The following ZNF713 variants were observed in gnomAD, a reference collection of about 807,000 sequenced individuals.
The protein encoded by ZNF713 is zinc finger protein 713.
Under a neutral mutation model 28.7 loss-of-function variants are expected in ZNF713, and 21 were observed. The observed-to-expected ratio is 0.73, with a 90% confidence interval of 0.52 to 1.05. The LOEUF is 1.05. ZNF713 is among the 50% of genes least tolerant of loss of function. The pLI is 0.00. For missense variants in ZNF713, 458 were observed against 532.4 expected, an observed-to-expected ratio of 0.86 and a Z score of 1.37; for synonymous variants, 167 against 178.0, an observed-to-expected ratio of 0.94 and a Z score of 0.49.
chr7:55,888,735 GTACATACA>G (rs1785325038), intron 1 of ZNF713, among the ~76,000 whole-genome samples: 2 of 76,446 alleles, frequency 2.6e-5, no homozygotes, highest in Admixed American at 2.6e-4. Flanking sequence ...ATACATATAC[GTACATACA>G]TACATAGATT....
intron 1 of ZNF713, among the ~76,000 whole-genome samples, chr7:55,893,956 G>T (rs1272036013): frequency 6.6e-6 from 1 of 152,196 alleles, no homozygotes; most frequent in Non-Finnish European, 1.5e-5. Context: ...GGAGAATGAG[G>T]GGTGAGAGAA....
chr7:55,910,701 G>A (rs1292341052), intron 2 of ZNF713, among the ~76,000 whole-genome samples: 1 of 152,080 alleles, frequency 6.6e-6, no homozygotes, highest in African/African-American at 2.4e-5. Flanking sequence ...TCATCATGTT[G>A]CCCTAGCTGG....
At chr7:55,900,607 AAACT>A (rs1200399941) in intron 1 of ZNF713, among the ~76,000 whole-genome samples, 1 of 152,234 alleles carries the variant, frequency 6.6e-6, no homozygotes, top group Non-Finnish European at 1.5e-5. Flanking sequence ...AGAAAAACAG[AAACT>A]CTATGATCTC....
rs1785292196 is a variant in ZNF713 at position 55,887,825 on chromosome 7, G to GGGA, written c.-583+147_-583+148insAGG. The GGGA allele has an allele frequency of 3.3e-3, 16 of 4,888 alleles. 3 individuals are homozygous for GGGA. Among genetic ancestry groups the GGGA allele is most frequent in the African/African-American group, 8.7e-3 (16 of 1,848 alleles). The allele number at this position is 4,888 out of a possible 1,614,324, so 0.3% of individuals were successfully genotyped here. A position where few individuals can be genotyped will look rare whatever the true frequency, so the allele number is the denominator to read the frequency against. Reference sequence around the variant, plus strand: ...CGGGGGGCGGCGGGCGGCGGGCGGCGGGCGGCGGGCGGCGGGCGGCGGCGG... The same window carrying GGGA: ...CGGGGGGCGGCGGGCGGCGGGCGGCGGGAGGCGGCGGGCGGCGGGCGGCGGCGG... On this transcript the variant is annotated intron_variant, in intron 1 of 6. Transcript: ENST00000429591.
At chr7:55,928,790 A>T (rs1196144798) in intron 6 of ZNF713, among the ~76,000 whole-genome samples, 1 of 152,196 alleles carries the variant, frequency 6.6e-6, no homozygotes, top group Non-Finnish European at 1.5e-5. Context: ...ATAAATAGAC[A>T]TGCCAAGATG....
intron 1 of ZNF713, among the ~76,000 whole-genome samples, chr7:55,892,853 A>C (rs368030667): frequency 4.7e-5 from 7 of 148,144 alleles, no homozygotes; most frequent in African/African-American, 1.0e-4. Flanking sequence ...TCTGGGCAAC[A>C]AGAGTGAAAT....
rs891996962 is a variant in ZNF713, at chr7:55,942,166, T to G, written c.*2160T>G. 3 of 152,106 alleles carry G rather than the reference T, an allele frequency of 2.0e-5. No individual in the cohort carries two copies. Among genetic ancestry groups the G allele is most frequent in the African/African-American group, 7.2e-5 (3 of 41,410 alleles). 9.4% of individuals were successfully genotyped at this position (152,106 alleles called of 1,614,324 possible). ...CTGCGGGTGAGCCCTGGTGCCATGT[T>G]GAGGGTGGGAATCAGGAGAGCTGCA... On this transcript the variant is annotated 3_prime_UTR_variant, in exon 7 of 7. Coordinates refer to ENST00000429591, the MANE Select transcript of ZNF713 (RefSeq NM_182633.3).
At chr7:55,919,500 T>G (rs1047939798) in intron 4 of ZNF713, among the ~76,000 whole-genome samples, 2 of 55,964 alleles carry the variant, frequency 3.6e-5, no homozygotes, top group African/African-American at 8.7e-5. Context: ...GTTTTTTTTT[T>G]TTTTTTTTTT....
intron 1 of ZNF713, among the ~76,000 whole-genome samples, chr7:55,888,784 G>A (rs1785327560): frequency 6.6e-6 from 1 of 151,620 alleles, no homozygotes; most frequent in Non-Finnish European, 1.5e-5. Context: ...GGCCGGTTGC[G>A]GTCCTGTAAT....
chr7:55,887,982 AT>A (rs1048418296), intron 1 of ZNF713, among the ~76,000 whole-genome samples: 2 of 150,858 alleles, frequency 1.3e-5, no homozygotes, highest in African/African-American at 4.9e-5. Flanking sequence ...TCCCTTTCAG[AT>A]TTTTGGTCTT....
chr7:55,920,912 T>C (rs1733660864), intron 4 of ZNF713, among the ~76,000 whole-genome samples: 3 of 152,252 alleles, frequency 2.0e-5, no homozygotes, highest in Admixed American at 2.0e-4. Context: ...TGAGCCACCA[T>C]GCCCAACCCA....
intron 6 of ZNF713, among the ~76,000 whole-genome samples, chr7:55,930,095 CTG>C (rs1286853653): frequency 6.6e-6 from 1 of 151,846 alleles, no homozygotes; most frequent in Non-Finnish European, 1.5e-5. Context: ...GAGTCTTGCT[CTG>C]TTGCCCAGGC....
intron 4 of ZNF713, among the ~76,000 whole-genome samples, chr7:55,921,709 G>A (rs1785996331): frequency 6.6e-6 from 1 of 152,156 alleles, no homozygotes; most frequent in Non-Finnish European, 1.5e-5. Flanking sequence ...ATCAGTTCCT[G>A]GTGAAGATGC....
intron 1 of ZNF713, among the ~76,000 whole-genome samples, chr7:55,895,077 A>G (rs888537549): frequency 1.3e-5 from 2 of 152,196 alleles, no homozygotes; most frequent in Non-Finnish European, 1.5e-5. Context: ...AAATGAGGGT[A>G]TTTCCATGGT....
At chr7:55,921,086 C>G (rs1227910918) in intron 4 of ZNF713, among the ~76,000 whole-genome samples, 1 of 152,038 alleles carries the variant, frequency 6.6e-6, no homozygotes, top group African/African-American at 2.4e-5. Context: ...TCTACTTTGC[C>G]TGTGCGCTAG....
At chr7:55,897,278 TCTCA>T (rs1205595788) in intron 1 of ZNF713, among the ~76,000 whole-genome samples, 1 of 150,494 alleles carries the variant, frequency 6.6e-6, no homozygotes, top group Non-Finnish European at 1.5e-5. Flanking sequence ...TGAGACAGGG[TCTCA>T]CTCTTTCACC....
chr7:55,936,959 C>T (rs1439221153), intron 6 of ZNF713, among the ~76,000 whole-genome samples: 1 of 152,118 alleles, frequency 6.6e-6, no homozygotes, highest in Non-Finnish European at 1.5e-5. Flanking sequence ...CCTTTCTCTC[C>T]TCCCTCCACA....
At chr7:55,912,354 A>G (rs532264410) in intron 3 of ZNF713, among the ~76,000 whole-genome samples, 1 of 152,294 alleles carries the variant, frequency 6.6e-6, no homozygotes, top group East Asian at 1.9e-4. Flanking sequence ...GGGGCTGAAC[A>G]CTGGCTTCTT....
At chr7:55,906,575 A>G (rs1203870053) in intron 2 of ZNF713, among the ~76,000 whole-genome samples, 196 bp downstream of exon 2, 1 of 152,136 alleles carries the variant, frequency 6.6e-6, no homozygotes, top group Non-Finnish European at 1.5e-5. Context: ...GTTCAGGTCA[A>G]GGTTTTTCTG....
Sources: gnomAD v4.1 joint callset for allele counts (sites outside exome capture counted in the v4.1 genomes callset) on GRCh38, gnomAD v4.1.1 for gene constraint, MANE v1.5 for transcripts, NCBI Gene and HGNC (gene_info 2026-07-23, HGNC 2026-07-21) for gene names.